HELZ: variants seen among roughly 807,000 people sequenced by gnomAD.
The protein encoded by HELZ is ATP-dependent RNA helicase with zinc finger domain.
In HELZ, 23 loss-of-function variants were observed where a neutral mutation model predicts 218.2. That is an observed-to-expected ratio of 0.11 (90% CI 0.08 to 0.15). The LOEUF (loss-of-function observed/expected upper bound fraction) is 0.15, where lower values mean the gene tolerates loss of function less well. Among genes scored for constraint, HELZ ranks in the 10% least tolerant of loss-of-function variants. The probability of loss-of-function intolerance (pLI) is 1.00; values close to 1 mark genes in which losing one functional copy is unlikely to be tolerated. For synonymous variants in HELZ, 814 were observed against 829.4 expected (o/e 0.98, Z 0.32); for missense variants, 1,813 against 2,353.7 (o/e 0.77, Z 4.75).
chr17:67,242,115 G>C (rs1164911275), intron 2 of HELZ, among the ~76,000 whole-genome samples: 1 of 152,132 alleles, frequency 6.6e-6, no homozygotes, highest in African/African-American at 2.4e-5. Flanking sequence ...TTATCTGTAG[G>C]CTTCAAGAAA....
At chr17:67,142,378 G>T (rs1000387404) in intron 21 of HELZ, among the ~76,000 whole-genome samples, 2 of 152,018 alleles carry the variant, frequency 1.3e-5, no homozygotes, top group Non-Finnish European at 2.9e-5. Flanking sequence ...ATTGTGGCAT[G>T]CATCTGTAGT....
chr17:67,084,851 G>T (rs1274899536), intron 32 of HELZ, among the ~76,000 whole-genome samples: 1 of 152,152 alleles, frequency 6.6e-6, no homozygotes, highest in Non-Finnish European at 1.5e-5. Flanking sequence ...TGACAAGGCA[G>T]GCTCACACCT....
rs375095901 is a variant in HELZ at position 67,120,537 on chromosome 17, T to C, written c.3706A>G (p.Asn1236Asp). 19 of 1,613,594 alleles carry C rather than the reference T, an allele frequency of 1.2e-5. No individual in the cohort carries two copies. Among genetic ancestry groups the C allele is most frequent in the Non-Finnish European group, 1.5e-5 (18 of 1,179,940 alleles). Residue 1236 changes from asparagine to aspartate, a missense_variant, in exon 27 of 33, where the codon AAC (asparagine) becomes GAC (aspartate). By Grantham distance (23) the Asn-to-Asp change is conservative (BLOSUM62 1). Coordinates refer to ENST00000358691, the MANE Select transcript of HELZ (RefSeq NM_014877.4). ...CCATGTGTCTGTAATAGGTTCATGTTATAGGCCATTGCTGCCTGATGTGTA... is the reference window on the plus strand; with the variant it reads ...CCATGTGTCTGTAATAGGTTCATGTCATAGGCCATTGCTGCCTGATGTGTA... ...IITHQAAMAYNMNLLQTHGRG... is the reference protein window; with the variant it reads ...IITHQAAMAYDMNLLQTHGRG...
rs370101184 is a variant in HELZ at position 67,108,444 on chromosome 17, C to T, written c.4724+48G>A. 2 of 1,396,030 alleles carry T rather than the reference C, an allele frequency of 1.4e-6. No homozygotes were observed. The highest frequency in any genetic ancestry group is 1.4e-5 in the African/African-American group (1 of 70,424). 86.5% of individuals were successfully genotyped at this position (1,396,030 alleles called of 1,614,324 possible). On this transcript the variant is annotated intron_variant, in intron 30 of 32. Transcript: ENST00000358691. The surrounding 1 kb of genome is among the most constrained non-coding windows in gnomAD (Gnocchi z 4.1). ...AAAGGACTACAGTCAAAAAAGAGAA[C>T]AGTGAGGGGGTCGCATTCCAGGGGC...
chr17:67,193,892 TC>T, intron 9 of HELZ, 74 bp downstream of exon 9: 2 of 1,054,390 alleles, frequency 1.9e-6, no homozygotes, highest in East Asian at 4.9e-5. Context: ...ACCATTTTAC[TC>T]CATTAGATAA....
At chr17:67,158,204 C>G (rs1265867072) in intron 17 of HELZ, among the ~76,000 whole-genome samples, 3 of 152,200 alleles carry the variant, frequency 2.0e-5, no homozygotes, top group Admixed American at 6.5e-5. Context: ...AGGGCCTGTT[C>G]CAGCCTATAT....
chr17:67,220,682 G>T (rs897673187), intron 3 of HELZ, among the ~76,000 whole-genome samples: 1 of 151,804 alleles, frequency 6.6e-6, no homozygotes, highest in African/African-American at 2.4e-5. Context: ...GTATTGACAG[G>T]GTCTCCCTAT....
At chr17:67,083,284 C>T (rs561750646) in intron 32 of HELZ, among the ~76,000 whole-genome samples, 1 of 152,220 alleles carries the variant, frequency 6.6e-6, no homozygotes, top group Non-Finnish European at 1.5e-5. Flanking sequence ...GTATATATTC[C>T]CAATAAGAGA....
intron 32 of HELZ, among the ~76,000 whole-genome samples, chr17:67,084,532 G>T (rs145741841): frequency 0.035 from 5,251 of 151,966 alleles, 304 homozygotes; most frequent in African/African-American, 0.12. Context: ...GCGTGGTGGC[G>T]GGCGCCTGTA....
intron 32 of HELZ, among the ~76,000 whole-genome samples, chr17:67,082,392 A>C (rs1318509415): frequency 6.6e-6 from 1 of 152,198 alleles, no homozygotes; most frequent in Non-Finnish European, 1.5e-5. Context: ...GTGACACCTG[A>C]TGGAAGCTAC....
intron 11 of HELZ, among the ~76,000 whole-genome samples, chr17:67,189,349 CAAAT>C (rs59465353): frequency 1.3e-5 from 2 of 152,030 alleles, no homozygotes; most frequent in African/African-American, 2.4e-5. Flanking sequence ...ATCTCTTTAC[CAAAT>C]AAATAAATAT....
At chr17:67,133,966 C>T (rs2038066060) in intron 23 of HELZ, among the ~76,000 whole-genome samples, 1 of 152,164 alleles carries the variant, frequency 6.6e-6, no homozygotes, top group African/African-American at 2.4e-5. Context: ...CCACAAGCAA[C>T]ATTCTAAACG....
At chr17:67,130,579 C>A (rs1163967137) in intron 23 of HELZ, among the ~76,000 whole-genome samples, 1 of 151,968 alleles carries the variant, frequency 6.6e-6, no homozygotes, top group East Asian at 1.9e-4. Context: ...TTTTTAAGAA[C>A]ACCAATGAAG....
intron 27 of HELZ, among the ~76,000 whole-genome samples, chr17:67,118,692 C>CA (rs142101119): frequency 0.3 from 13,527 of 44,724 alleles, 1,549 homozygotes; most frequent in East Asian, 0.47. Flanking sequence ...CTTTAAAAGG[C>CA]AAAAAAAAAA....
In HELZ at chr17:67,123,977, T is replaced by C. The variant is rs746698085; in HGVS notation, c.3425A>G (p.Gln1142Arg). The change falls in exon 25 of 33, where the codon CAG (glutamine) becomes CGG (arginine). Residue 1142 changes from glutamine (Q) to arginine (R), a missense_variant. Physicochemically the swap from Gln to Arg is conservative, Grantham distance 43 (BLOSUM62 1). Transcript: ENST00000358691. ...SLHHTQNDHFQNDGIVQPNPS... is the reference protein window; with the variant it reads ...SLHHTQNDHFRNDGIVQPNPS... ...TTTCCACTTACCAATTCCATCATTC[T>C]GGAAGTGATCATTCTGGGTATGATG... 6.8e-6 allele frequency: 11 copies of C among 1,609,098 alleles called. No homozygotes were observed. The highest frequency in any genetic ancestry group is 4.4e-5 in the South Asian group (4 of 90,750).
At chr17:67,079,610 G>A (rs1370442115) in intron 32 of HELZ, among the ~76,000 whole-genome samples, 3 of 152,172 alleles carry the variant, frequency 2.0e-5, no homozygotes, top group African/African-American at 7.2e-5. Context: ...GGTGTACAAA[G>A]CTTCTGACAA....
At chr17:67,245,928 C>T (rs2041471086), upstream of HELZ, 2 of 152,158 alleles carry the variant, frequency 1.3e-5, no homozygotes, top group Admixed American at 1.3e-4. Flanking sequence ...CGCGGAGCCA[C>T]CCTGGGAGCG....
chr17:67,137,899 G>A, intron 22 of HELZ, 32 bp downstream of exon 22: 2 of 1,509,964 alleles, frequency 1.3e-6, no homozygotes, highest in Non-Finnish European at 9.1e-7. Context: ...TTAAGCATTT[G>A]AATGACTGAA....
rs1411668212 is a variant in HELZ, at chr17:67,078,173, T to C, written c.*79A>G. ...TAAAACAAAGGGAACTGTGCATCTA[T>C]AGATGAAGTCCAACTACCTTAATTC... On this transcript the variant is annotated 3_prime_UTR_variant, in exon 33 of 33. Transcript: ENST00000358691. 40 of 942,800 alleles carry C rather than the reference T, an allele frequency of 4.2e-5. No individual in the cohort carries two copies. The highest frequency in any genetic ancestry group is 6.2e-5 in the Non-Finnish European group (37 of 598,678). 58.4% of individuals were successfully genotyped at this position (942,800 alleles called of 1,614,324 possible).
Sources: gnomAD v4.1 joint callset for allele counts (sites outside exome capture counted in the v4.1 genomes callset) on GRCh38, gnomAD v4.1.1 for gene constraint, Gnocchi (gnomAD v3.1) non-coding constraint, MANE v1.5 for transcripts, NCBI Gene and HGNC (gene_info 2026-07-23, HGNC 2026-07-21) for gene names.